Variants in SLC15A2 observed in about 807,000 individuals in gnomAD.
SLC15A2 encodes the protein kidney H(+)/peptide cotransporter.
A neutral mutation model predicts 95.5 loss-of-function variants in SLC15A2; 77 were observed. The ratio of observed to expected loss-of-function variants is 0.81; its 90% CI spans 0.67 to 0.97. The LOEUF is 0.97. Ranked by LOEUF, SLC15A2 falls within the 50% of genes least tolerant of loss-of-function variation. The probability of loss-of-function intolerance (pLI) is 0.00; values close to 1 mark genes in which losing one functional copy is unlikely to be tolerated. For missense variants in SLC15A2, 893 were observed against 874.4 expected (o/e 1.02, Z -0.27); for synonymous variants, 306 against 306.9 (o/e 1.00, Z 0.03).
At chr3:121,938,019 T>C (rs977972200) in intron 19 of SLC15A2, among the ~76,000 whole-genome samples, 19 of 150,894 alleles carry the variant, frequency 1.3e-4, no homozygotes, top group African/African-American at 2.2e-4. Flanking sequence ...TTGGAGTACC[T>C]GGCCATGTGA....
rs1431207748 is a variant in SLC15A2, at chr3:121,894,546, C to T, written c.70C>T (p.Pro24Ser). 1.2e-6 allele frequency: 2 copies of T among 1,614,066 alleles called. No homozygotes were observed. Among genetic ancestry groups the T allele is most frequent in the South Asian group, 1.1e-5 (1 of 91,084 alleles). Residue 24 changes from proline to serine, a missense_variant, in exon 1 of 22, where the codon CCT (proline) becomes TCT (serine). By Grantham distance (74) the Pro-to-Ser change is moderately conservative. Transcript: ENST00000489711. ...ACCTGTCTCCATTGAAGAGGTACCA[C>T]CTCGACCACCTAGCCCTCCAAAGAA... ...FSPVSIEEVP[P>S]RPPSPPKKPS...
chr3:121,896,928 A>AGGGAAAG (rs1414900820), intron 2 of SLC15A2, among the ~76,000 whole-genome samples: 1 of 135,646 alleles, frequency 7.4e-6, no homozygotes, highest in Non-Finnish European at 1.6e-5. Flanking sequence ...AAGGGGGGGG[A>AGGGAAAG]GGGAAAGCTC....
At position 121,939,499 on chromosome 3, in the gene SLC15A2, A is replaced by G; in HGVS notation, c.1908+4A>G. The G allele has an allele frequency of 6.7e-7, 1 of 1,487,898 alleles. No homozygotes were observed. The highest frequency in any genetic ancestry group is 8.9e-7 in the Non-Finnish European group (1 of 1,117,886). 92.2% of individuals were successfully genotyped at this position (1,487,898 alleles called of 1,614,324 possible). On this transcript the variant is annotated splice_donor_region_variant and intron_variant, in intron 20 of 21. Transcript: ENST00000489711. ...TCTTGAGTTTTCTTATTCTCAGGTA[A>G]GTTTTTGCAAATAGAAGGTAGAAAT... is the stretch of plus-strand genomic sequence containing the variant.
intron 14 of SLC15A2, 32 bp from the exon 15 acceptor site, chr3:121,928,389 T>C: frequency 1.2e-6 from 2 of 1,607,966 alleles, no homozygotes; most frequent in Non-Finnish European, 1.7e-6. Flanking sequence ...GATTATTTGT[T>C]GGTGATTCTG....
intron 3 of SLC15A2, among the ~76,000 whole-genome samples, chr3:121,910,265 C>T (rs867846330): frequency 3.4e-5 from 5 of 146,816 alleles, no homozygotes; most frequent in African/African-American, 5.0e-5. Flanking sequence ...CACCATCTCT[C>T]GGCTCACTGC....
intron 3 of SLC15A2, among the ~76,000 whole-genome samples, chr3:121,910,324 C>T (rs1257011032): frequency 3.3e-5 from 5 of 151,732 alleles, no homozygotes; most frequent in Non-Finnish European, 7.4e-5. Flanking sequence ...AGCCTCCCCG[C>T]TAGCTGGGAT....
At chr3:121,937,323 T>C (rs1187116054) in intron 19 of SLC15A2, among the ~76,000 whole-genome samples, 17 of 91,116 alleles carry the variant, frequency 1.9e-4, no homozygotes, top group African/African-American at 6.6e-4. Flanking sequence ...CCTTGCTAGA[T>C]TGGGGAAGTT....
At chr3:121,908,697 A>G in intron 3 of SLC15A2, among the ~76,000 whole-genome samples, 1 of 152,144 alleles carries the variant, frequency 6.6e-6, no homozygotes, top group East Asian at 1.9e-4. Flanking sequence ...ACCTCTTCTT[A>G]GTTCCTAAGT....
chr3:121,911,810 G>A (rs1174649439), intron 4 of SLC15A2, 144 bp downstream of exon 4: 4 of 638,316 alleles, frequency 6.3e-6, no homozygotes, highest in Non-Finnish European at 1.1e-5. Flanking sequence ...CTTATGACCA[G>A]TTGAACTCTT....
In SLC15A2 at chr3:121,938,499, A is replaced by T. The variant is rs367668105; in HGVS notation, c.1762-850A>T. Among the ~76,000 whole-genome samples the T allele has an allele frequency of 5.9e-5, 9 of 152,150 alleles. No individual in the cohort carries two copies. In the East Asian group the frequency reaches 1.7e-3, roughly 29 times the overall value. ...TTTTTTAAGCCCGTCGGAAAAGCGC[A>T]GTATTCCGGTGGGAGTGACCCGATT... On this transcript the variant is annotated intron_variant, in intron 19 of 21. Coordinates refer to ENST00000489711, the MANE Select transcript of SLC15A2 (RefSeq NM_021082.4).
At chr3:121,905,928 G>C (rs1216325152) in intron 3 of SLC15A2, among the ~76,000 whole-genome samples, 1 of 152,118 alleles carries the variant, frequency 6.6e-6, no homozygotes, top group East Asian at 1.9e-4. Flanking sequence ...TCATTGTTCT[G>C]TCTAATACTG....
Position 121,924,270 on chromosome 3 carries a change from TA to T in SLC15A2, c.1003-80del. 1.1e-5 allele frequency: 13 copies of T among 1,216,526 alleles called. No individual in the cohort carries two copies. The South Asian group carries it at 1.1e-4, about 10-fold the overall frequency. The allele number at this position is 1,216,526 out of a possible 1,614,324, so 75.4% of individuals were successfully genotyped here. A position where few individuals can be genotyped will look rare whatever the true frequency, so the allele number is the denominator to read the frequency against. On this transcript the variant is annotated intron_variant, in intron 11 of 21. Coordinates refer to ENST00000489711, the MANE Select transcript of SLC15A2 (RefSeq NM_021082.4). ...TCTCATATGTTTCTCACTTGCTAAC[TA>T]GCAAAATTATTGATCTAGGCCAACA... is the stretch of plus-strand genomic sequence containing the variant.
At chr3:121,911,705 A>C in intron 4 of SLC15A2, 39 bp downstream of exon 4, 29 of 1,257,482 alleles carry the variant, frequency 2.3e-5, no homozygotes, top group Non-Finnish European at 3.3e-5. Context: ...TACTTTTCTC[A>C]GACATTTGTT....
intron 13 of SLC15A2, among the ~76,000 whole-genome samples, chr3:121,925,740 A>G (rs1246800216): frequency 2.2e-4 from 11 of 49,242 alleles, no homozygotes; most frequent in Non-Finnish European, 2.4e-4. Context: ...ATATATATAT[A>G]TATATATATA....
chr3:121,904,024 A>G (rs6790936), intron 3 of SLC15A2, among the ~76,000 whole-genome samples: 145,900 of 152,220 alleles, frequency 0.96, 69,980 homozygotes, highest in East Asian at 1. Flanking sequence ...CTTTTATTTC[A>G]TTGAGCAATG....
chr3:121,939,493 C>T lies in SLC15A2; in HGVS notation c.1906C>T (p.Gln636Ter). The change falls in exon 20 of 22, where the codon CAG becomes TAG. Residue 636 changes from glutamine (Q) to a stop codon, truncating the protein, a stop_gained and splice_region_variant. Transcript: ENST00000489711. LOFTEE classifies it high-confidence loss of function. The stretch of plus-strand genomic sequence containing the variant: ...CACAGGTCTTGAGTTTTCTTATTCT[C>T]AGGTAAGTTTTTGCAAATAGAAGGT... The part of the protein sequence containing the change: ...SVTGLEFSYS[Q>*]APSSMKSVLQ... 1 of 1,494,302 alleles carries T rather than the reference C, an allele frequency of 6.7e-7. No individual in the cohort carries two copies. Among genetic ancestry groups the T allele is most frequent in the Non-Finnish European group, 8.9e-7 (1 of 1,121,480 alleles). The allele number at this position is 1,494,302 out of a possible 1,614,324, so 92.6% of individuals were successfully genotyped here. A position where few individuals can be genotyped will look rare whatever the true frequency, so the allele number is the denominator to read the frequency against.
At chr3:121,916,208 A>T (rs1035057280) in intron 7 of SLC15A2, among the ~76,000 whole-genome samples, 2 of 152,194 alleles carry the variant, frequency 1.3e-5, no homozygotes, top group African/African-American at 4.8e-5. Flanking sequence ...TTGAGTAAAG[A>T]GAATAAGAGG....
intron 3 of SLC15A2, among the ~76,000 whole-genome samples, chr3:121,900,578 T>G (rs1355466595): frequency 1.3e-5 from 2 of 152,226 alleles, no homozygotes; most frequent in Non-Finnish European, 2.9e-5. Context: ...CTGTCATACT[T>G]ATCTCCTTTC....
At chr3:121,903,879 C>A (rs1324035671) in intron 3 of SLC15A2, among the ~76,000 whole-genome samples, 1 of 152,192 alleles carries the variant, frequency 6.6e-6, no homozygotes, top group African/African-American at 2.4e-5. Flanking sequence ...TTTTGCAATT[C>A]TCTGAAGAAA....
Sources: allele counts gnomAD v4.1 joint callset (sites outside exome capture counted in the v4.1 genomes callset), GRCh38; gene constraint gnomAD v4.1.1; transcripts MANE v1.5; gene names NCBI Gene and HGNC (gene_info 2026-07-23, HGNC 2026-07-21).